The following GLMN variants were observed in gnomAD, a reference collection of about 807,000 sequenced individuals.
GLMN encodes the protein glomulin.
A neutral mutation model predicts 87.8 loss-of-function variants in GLMN; 75 were observed. The ratio of observed to expected loss-of-function variants is 0.85; its 90% CI spans 0.71 to 1.04. The LOEUF is 1.04. GLMN is among the 50% of genes least tolerant of loss of function. The probability of loss-of-function intolerance (pLI) is 0.00; values close to 1 mark genes in which losing one functional copy is unlikely to be tolerated. For synonymous variants in GLMN, 206 were observed against 221.6 expected (o/e 0.93, Z 0.63); for missense variants, 588 against 658.8 (o/e 0.89, Z 1.18).
intron 7 of GLMN, among the ~76,000 whole-genome samples, 164 bp from the exon 8 acceptor site, chr1:92,271,816 T>C (rs1351158815): frequency 6.6e-6 from 1 of 152,152 alleles, no homozygotes; most frequent in Non-Finnish European, 1.5e-5. Context: ...TGCGCCAAGA[T>C]GTCACTCCCA....
chr1:92,358,576 G>A, the GLMN span, among the ~76,000 whole-genome samples: 12 of 151,916 alleles, frequency 7.9e-5, no homozygotes, highest in Admixed American at 7.9e-4. Context: ...AATTTTTAGG[G>A]GCTGGCTCAT....
chr1:92,357,029 G>A, the GLMN span, among the ~76,000 whole-genome samples: 1 of 150,642 alleles, frequency 6.6e-6, no homozygotes, highest in Non-Finnish European at 1.5e-5. Context: ...TTGTGTCACT[G>A]CACTCCAGCC....
In GLMN at chr1:92,297,489, C is replaced by G. The variant is rs778928856; in HGVS notation, c.80G>C (p.Gly27Ala). Residue 27 changes from glycine (G) to alanine (A), a missense_variant, in exon 3 of 19, where the codon GGC (glycine) becomes GCC (alanine). By Grantham distance (60) the Gly-to-Ala change is moderately conservative. Transcript: ENST00000370360. ...TCTTTGCCCAGCTAACTGAAATAGG[C>G]CAAAATCCTCTTCTTTAAAGTCTTG... ...EEQDFKEEDF[G>A]LFQLAGQRCI... 2 of 1,611,378 alleles carry G rather than the reference C, an allele frequency of 1.2e-6. No homozygotes were observed. The highest frequency in any genetic ancestry group is 1.7e-5 in the Admixed American group (1 of 59,830).
Position 92,262,863 on chromosome 1 carries a change from T to G in GLMN, c.1473A>C (p.Gln491His). 1 of 1,098,652 alleles carries G rather than the reference T, an allele frequency of 9.1e-7. No homozygotes were observed. Among genetic ancestry groups the G allele is most frequent in the Non-Finnish European group, 1.4e-6 (1 of 715,016 alleles). The allele number at this position is 1,098,652 out of a possible 1,614,324, so 68.1% of individuals were successfully genotyped here. The stretch of plus-strand genomic sequence containing the variant: ...GTTTCTTTTCAAATACTTCACTTAC[T>G]TGATTGTCATTTTCATTATCTTTGA... The part of the protein sequence containing the change: ...LVIKDNENDN[Q>H]TGLWTELGNI... Residue 491 changes from glutamine to histidine, a missense_variant and splice_region_variant, in exon 16 of 19, where the codon CAA becomes CAC. Physicochemically the swap from Gln to His is conservative, Grantham distance 24 (BLOSUM62 0). Coordinates refer to ENST00000370360, the MANE Select transcript of GLMN (RefSeq NM_053274.3).
At position 92,246,551 on chromosome 1, in the gene GLMN, T is replaced by C; in HGVS notation, c.1764A>G (p.Glu588=). Reference sequence around the variant, plus strand: ...ACTTTCACTTTATCCCAATATTTTCTTCAGAGGTAGACTTTGTTTTTATTT... The same window carrying C: ...ACTTTCACTTTATCCCAATATTTTCCTCAGAGGTAGACTTTGTTTTTATTT... The part of the protein sequence containing the change: ...LIEIKTKSTS[E]ENIGIK Residue 588 remains glutamate (E), a synonymous_variant, in exon 19 of 19, where the codon GAA becomes GAG. Coordinates refer to ENST00000370360, the MANE Select transcript of GLMN (RefSeq NM_053274.3). The C allele has an allele frequency of 6.9e-7, 1 of 1,444,240 alleles. No homozygotes were observed. The highest frequency in any genetic ancestry group is 9.8e-7 in the Non-Finnish European group (1 of 1,025,046). The allele number at this position is 1,444,240 out of a possible 1,614,324, so 89.5% of individuals were successfully genotyped here.
At position 92,293,211 on chromosome 1, in the gene GLMN, G is replaced by A. The variant is rs188327770; in HGVS notation, c.166-1674C>T. Among the ~76,000 whole-genome samples, 36 of 152,140 alleles carry A rather than the reference G, an allele frequency of 2.4e-4. No individual in the cohort carries two copies. The East Asian group carries it at 5.0e-3, about 21-fold the overall frequency. On this transcript the variant is annotated intron_variant, in intron 3 of 18. Transcript: ENST00000370360. ...GGCAAACAAGCATATGAAAAGGTAC[G>A]CATCATTATCATCAGAGAAATGCAA...
chr1:92,297,186 A>G (rs1322326107), intron 3 of GLMN, among the ~76,000 whole-genome samples: 1 of 149,404 alleles, frequency 6.7e-6, no homozygotes, highest in Non-Finnish European at 1.5e-5. Context: ...TCCTGGGCTC[A>G]AGTGATCTGC....
At chr1:92,356,585 A>ATTT in the GLMN span, among the ~76,000 whole-genome samples, 2 of 51,774 alleles carry the variant, frequency 3.9e-5, no homozygotes, top group East Asian at 1.3e-3. Flanking sequence ...CTCCTGGCTA[A>ATTT]TTTTTTTTTT....
chr1:92,357,732 A>G, the GLMN span, among the ~76,000 whole-genome samples: 1 of 152,206 alleles, frequency 6.6e-6, no homozygotes, highest in African/African-American at 2.4e-5. Flanking sequence ...GGGTTTTGCC[A>G]TGTTGGCCAG....
chr1:92,311,057 T>C, the GLMN span, among the ~76,000 whole-genome samples: 1 of 152,200 alleles, frequency 6.6e-6, no homozygotes. Context: ...ATGAAATGCC[T>C]CTGATATTTT....
In GLMN at chr1:92,247,911, CT is replaced by C; in HGVS notation, c.1551del (p.Ala518HisfsTer22). ...TTTTTAATTTCTGCTTCATAATGTG[CT>C]TTTGACATATTAAGTCCTATATGAA... ...KPLHIGLNMS[K>X]AHYEAEIKNS... On this transcript the variant is annotated frameshift_variant, in exon 17 of 19. Transcript: ENST00000370360. LOFTEE classifies it high-confidence loss of function. 7.2e-7 allele frequency: 1 copy of C among 1,392,706 alleles called. No individual in the cohort carries two copies. Among genetic ancestry groups the C allele is most frequent in the Non-Finnish European group, 1.0e-6 (1 of 979,496 alleles). 86.3% of individuals were successfully genotyped at this position (1,392,706 alleles called of 1,614,324 possible).
the GLMN span, among the ~76,000 whole-genome samples, chr1:92,346,282 G>T: frequency 6.6e-6 from 1 of 151,474 alleles, no homozygotes; most frequent in African/African-American, 2.4e-5. Flanking sequence ...TCCCACCTCA[G>T]CCTCTCTAGT....
the GLMN span, among the ~76,000 whole-genome samples, chr1:92,317,845 A>G: frequency 6.6e-6 from 1 of 152,222 alleles, no homozygotes; most frequent in Non-Finnish European, 1.5e-5. Context: ...AAGCTGTCTT[A>G]AATTGCATTC....
chr1:92,297,488 G>A lies in GLMN; in HGVS notation c.81C>T (p.Gly27=). The change falls in exon 3 of 19, where the codon GGC becomes GGT. Residue 27 remains glycine (G), a synonymous_variant. Transcript: ENST00000370360. The part of the protein sequence containing the change: ...EEQDFKEEDF[G]LFQLAGQRCI... The stretch of plus-strand genomic sequence containing the variant: ...ATCTTTGCCCAGCTAACTGAAATAG[G>A]CCAAAATCCTCTTCTTTAAAGTCTT... The A allele has an allele frequency of 1.9e-6, 3 of 1,609,518 alleles. No individual in the cohort carries two copies. Among genetic ancestry groups the A allele is most frequent in the Non-Finnish European group, 2.5e-6 (3 of 1,178,952 alleles).
At chr1:92,361,395 A>T in the GLMN span, among the ~76,000 whole-genome samples, 1 of 152,206 alleles carries the variant, frequency 6.6e-6, no homozygotes, top group Non-Finnish European at 1.5e-5. Flanking sequence ...ATTTGTTGAT[A>T]CATCAAAAGA....
the GLMN span, among the ~76,000 whole-genome samples, chr1:92,306,331 A>G: frequency 6.6e-6 from 1 of 152,248 alleles, no homozygotes; most frequent in East Asian, 1.9e-4. Flanking sequence ...CCACTGTGCT[A>G]TATACTTAAA....
At chr1:92,361,622 G>C in the GLMN span, among the ~76,000 whole-genome samples, 4 of 152,200 alleles carry the variant, frequency 2.6e-5, no homozygotes, top group African/African-American at 9.6e-5. Context: ...GGACTATTTA[G>C]CCTTAAAAGA....
chr1:92,341,284 C>T, the GLMN span, among the ~76,000 whole-genome samples: 5 of 152,150 alleles, frequency 3.3e-5, no homozygotes, highest in Non-Finnish European at 5.9e-5. Context: ...GCTGGTATTA[C>T]AGGCATGAGC....
rs373796182 is a variant in GLMN, at chr1:92,258,938, T to C, written c.1473+3925A>G. Among the ~76,000 whole-genome samples, 18 of 152,162 alleles carry C rather than the reference T, an allele frequency of 1.2e-4. No homozygotes were observed. The East Asian group carries it at 1.4e-3, about 11-fold the overall frequency. ...CTTAAATGAGCACCCAAAATATGGA[T>C]TATATAGAATTTTGTGTATGTGTAT... On this transcript the variant is annotated intron_variant, in intron 16 of 18. Transcript: ENST00000370360.
Sources: allele counts gnomAD v4.1 joint callset (sites outside exome capture counted in the v4.1 genomes callset), GRCh38; gene constraint gnomAD v4.1.1; transcripts MANE v1.5; gene names NCBI Gene and HGNC (gene_info 2026-07-23, HGNC 2026-07-21).